Variants in CCL24 observed in about 807,000 individuals in gnomAD.
The protein encoded by CCL24 is C-C motif chemokine ligand 24.
A neutral mutation model predicts 8.6 loss-of-function variants in CCL24; 6 were observed. The observed-to-expected ratio is 0.70, with a 90% CI of 0.38 to 1.38. The LOEUF (loss-of-function observed/expected upper bound fraction) is 1.38. CCL24 is among the 40% of genes most tolerant of loss of function. The pLI is 0.02. For missense variants in CCL24, 126 were observed against 147.1 expected, an observed-to-expected ratio of 0.86 and a Z score of 0.74; for synonymous variants, 59 against 52.7, an observed-to-expected ratio of 1.12 and a Z score of -0.52.
In CCL24 at chr7:75,813,797, C is replaced by T; in HGVS notation, c.-82G>A. On this transcript the variant is annotated 5_prime_UTR_variant, in exon 1 of 3. Coordinates refer to ENST00000222902, the MANE Select transcript of CCL24 (RefSeq NM_002991.3). ...GACCTAGGGATAAATAGCTCGGGTC[C>T]TTGCAGAGTACCCCAAACTCCCTCC... is the stretch of plus-strand genomic sequence containing the variant. 1 of 1,112,620 alleles carries T rather than the reference C, an allele frequency of 9.0e-7. No homozygotes were observed. The highest frequency in any genetic ancestry group is 1.4e-6 in the Non-Finnish European group (1 of 730,300). The allele number at this position is 1,112,620 out of a possible 1,614,324, so 68.9% of individuals were successfully genotyped here. A position where few individuals can be genotyped will look rare whatever the true frequency, so the allele number is the denominator to read the frequency against.
At position 75,811,820 on chromosome 7, in the gene CCL24, A is replaced by G. The variant is rs530225351; in HGVS notation, c.336T>C (p.Tyr112=). 8 of 1,613,350 alleles carry G rather than the reference A, an allele frequency of 5.0e-6. No homozygotes were observed. In the South Asian group the frequency reaches 7.7e-5, roughly 16 times the overall value. ...AVAVKGPVQR[Y]PGNQTTC is the part of the protein sequence containing the mutation. ...ATTAGCAGGTGGTTTGGTTGCCAGG[A>G]TATCTCTGGACAGGGCCCTTGACAG... The change falls in exon 3 of 3, where the codon TAT becomes TAC. Residue 112 remains tyrosine, a synonymous_variant. Coordinates refer to ENST00000222902, the MANE Select transcript of CCL24 (RefSeq NM_002991.3).
chr7:75,816,281 CA>C (rs746464083), upstream of CCL24, among the ~76,000 whole-genome samples: 25 of 152,108 alleles, frequency 1.6e-4, no homozygotes, highest in Non-Finnish European at 3.1e-4. Context: ...TGCGTGTACA[CA>C]AGGTAAGTCA....
chr7:75,821,791 A>G (rs1554535121), intron 1 of CCL24, among the ~76,000 whole-genome samples: 1 of 151,570 alleles, frequency 6.6e-6, no homozygotes, highest in Admixed American at 6.6e-5. Context: ...AGCCGGGCGT[A>G]GTGGCGGGCG....
chr7:75,821,520 T>C (rs1804047799), intron 1 of CCL24, among the ~76,000 whole-genome samples: 1 of 152,132 alleles, frequency 6.6e-6, no homozygotes, highest in Non-Finnish European at 1.5e-5. Context: ...CTTGAGTGCA[T>C]GTGTTGGGGG....
At chr7:75,819,331 T>C (rs1260857691) in intron 1 of CCL24, among the ~76,000 whole-genome samples, 2 of 81,008 alleles carry the variant, frequency 2.5e-5, no homozygotes, top group Admixed American at 1.4e-4. Context: ...TATATATATA[T>C]ATATATTCAT....
Position 75,813,745 on chromosome 7 carries a change from G to A in CCL24, c.-30C>T. 2 of 1,589,366 alleles carry A rather than the reference G, an allele frequency of 1.3e-6. No individual in the cohort carries two copies. The highest frequency in any genetic ancestry group is 8.6e-7 in the Non-Finnish European group (1 of 1,157,710). ...CAGAGAGCAGAAGCACCAGCTCGGG[G>A]CTCAAAGCTGACGTGCAGGAGGAAA... On this transcript the variant is annotated 5_prime_UTR_variant, in exon 1 of 3. Transcript: ENST00000222902.
rs782434669 is a variant in CCL24, at chr7:75,813,741, C to T, written c.-26G>A. The T allele has an allele frequency of 5.0e-6, 8 of 1,603,488 alleles. No homozygotes were observed. In the African/African-American group the frequency reaches 6.7e-5, roughly 13 times the overall value. On this transcript the variant is annotated 5_prime_UTR_variant, in exon 1 of 3. Transcript: ENST00000222902. ...GTCTCAGAGAGCAGAAGCACCAGCT[C>T]GGGGCTCAAAGCTGACGTGCAGGAG... is the stretch of plus-strand genomic sequence containing the variant.
At chr7:75,822,157 C>T (rs959696515) in intron 1 of CCL24, among the ~76,000 whole-genome samples, 10 of 152,008 alleles carry the variant, frequency 6.6e-5, no homozygotes, top group Admixed American at 3.3e-4. Context: ...TCACCTGTCC[C>T]GACACTTTGT....
chr7:75,813,580 C>T, intron 1 of CCL24, 63 bp downstream of exon 1: 1 of 1,470,778 alleles, frequency 6.8e-7, no homozygotes, highest in Non-Finnish European at 9.5e-7. Context: ...CTGGTCAGTC[C>T]TGCACCCCCC....
chr7:75,811,585 A>C lies in CCL24; in HGVS notation c.*211T>G. 2 of 463,096 alleles carry C rather than the reference A, an allele frequency of 4.3e-6. No homozygotes were observed. Among genetic ancestry groups the C allele is most frequent in the South Asian group, 4.1e-5 (1 of 24,218 alleles). 28.7% of individuals were successfully genotyped at this position (463,096 alleles called of 1,614,324 possible). Reference sequence around the variant, plus strand: ...CTTCTCACCCAGCTCCAGAAAGGCAAGGGGCCTTGGATGCTTGGAGCCATT... The same window carrying C: ...CTTCTCACCCAGCTCCAGAAAGGCACGGGGCCTTGGATGCTTGGAGCCATT... On this transcript the variant is annotated 3_prime_UTR_variant, in exon 3 of 3. Transcript: ENST00000222902.
intron 2 of CCL24, among the ~76,000 whole-genome samples, chr7:75,812,443 C>T: frequency 6.6e-6 from 1 of 152,044 alleles, no homozygotes; most frequent in Non-Finnish European, 1.5e-5. Context: ...ACAGTTACTA[C>T]TTATGAAGCT....
chr7:75,813,948 A>T (rs145157098), upstream of CCL24: 1,262 of 430,802 alleles, frequency 2.9e-3, 7 homozygotes, highest in African/African-American at 0.023. Flanking sequence ...CAGCTGAGTC[A>T]AGGGTTATCT....
intron 1 of CCL24, among the ~76,000 whole-genome samples, chr7:75,821,810 C>T (rs1028859687): frequency 3.3e-5 from 5 of 151,634 alleles, no homozygotes; most frequent in Non-Finnish European, 5.9e-5. Context: ...CGCCTGTAGT[C>T]CCAGCTACTT....
chr7:75,817,917 G>A (rs1013669381), upstream of CCL24, among the ~76,000 whole-genome samples: 20 of 150,262 alleles, frequency 1.3e-4, no homozygotes, highest in South Asian at 4.2e-4. Context: ...TACAACCTCC[G>A]CCCCCCAGGT....
chr7:75,820,046 CT>C, intron 1 of CCL24, among the ~76,000 whole-genome samples: 1 of 139,098 alleles, frequency 7.2e-6, no homozygotes, highest in Non-Finnish European at 1.5e-5. Context: ...TCTTCTTCTT[CT>C]TCTTCTTCTT....
At chr7:75,820,923 T>TCATC (rs150165581) in intron 1 of CCL24, among the ~76,000 whole-genome samples, 24,859 of 144,190 alleles carry the variant, frequency 0.17, 2,112 homozygotes, top group East Asian at 0.22. Flanking sequence ...ATCCATCAAT[T>TCATC]CATCCATCCA....
Position 75,813,794 on chromosome 7 carries a change from G to T in CCL24, c.-79C>A. ...AAGGACCTAGGGATAAATAGCTCGGGTCCTTGCAGAGTACCCCAAACTCCC... is the reference window on the plus strand; with the variant it reads ...AAGGACCTAGGGATAAATAGCTCGGTTCCTTGCAGAGTACCCCAAACTCCC... On this transcript the variant is annotated 5_prime_UTR_variant, in exon 1 of 3. Coordinates refer to ENST00000222902, the MANE Select transcript of CCL24 (RefSeq NM_002991.3). 1.7e-6 allele frequency: 2 copies of T among 1,187,062 alleles called. No individual in the cohort carries two copies. Among genetic ancestry groups the T allele is most frequent in the Non-Finnish European group, 2.5e-6 (2 of 796,712 alleles). 73.5% of individuals were successfully genotyped at this position (1,187,062 alleles called of 1,614,324 possible). A position where few individuals can be genotyped will look rare whatever the true frequency, so the allele number is the denominator to read the frequency against.
At chr7:75,815,794 C>A (rs1179421210), upstream of CCL24, among the ~76,000 whole-genome samples, 1 of 152,124 alleles carries the variant, frequency 6.6e-6, no homozygotes, top group Non-Finnish European at 1.5e-5. Flanking sequence ...GCTCTACAGC[C>A]CTTTGTAATT....
upstream of CCL24, among the ~76,000 whole-genome samples, chr7:75,818,446 C>CA (rs782549486): frequency 0.2 from 14,073 of 69,762 alleles, 912 homozygotes; most frequent in South Asian, 0.24. Context: ...GACTCCGTCT[C>CA]AAAAAAAAAA....
Sources: allele counts gnomAD v4.1 joint callset (sites outside exome capture counted in the v4.1 genomes callset), GRCh38; gene constraint gnomAD v4.1.1; transcripts MANE v1.5; gene names NCBI Gene and HGNC (gene_info 2026-07-23, HGNC 2026-07-21).